The following PARVA variants were observed in gnomAD, a reference collection of about 807,000 sequenced individuals.
PARVA encodes parvin alpha, also known as alpha-parvin.
A neutral mutation model predicts 52.6 loss-of-function variants in PARVA; 25 were observed. The ratio of observed to expected loss-of-function variants is 0.48; its 90% CI spans 0.35 to 0.66. The LOEUF (loss-of-function observed/expected upper bound fraction) is 0.66. Among genes scored for constraint, PARVA ranks in the 30% least tolerant of loss-of-function variants. PARVA has a pLI of 0.01. For missense variants in PARVA, 373 were observed against 450.9 expected (o/e 0.83, Z 1.56); for synonymous variants, 185 against 179.1 (o/e 1.03, Z -0.26).
At chr11:12,394,719 G>T (rs1191164801) in intron 1 of PARVA, among the ~76,000 whole-genome samples, 1 of 152,176 alleles carries the variant, frequency 6.6e-6, no homozygotes. Context: ...ACAAGAGATT[G>T]GTCCCAGGAC....
At chr11:12,458,786 G>A (rs1940733426) in intron 1 of PARVA, among the ~76,000 whole-genome samples, 1 of 152,052 alleles carries the variant, frequency 6.6e-6, no homozygotes, top group Admixed American at 6.6e-5. Flanking sequence ...TGCACAGCCT[G>A]GAAGTGTGGA....
intron 1 of PARVA, among the ~76,000 whole-genome samples, chr11:12,421,606 G>A (rs996271566): frequency 5.9e-5 from 9 of 152,194 alleles, no homozygotes; most frequent in Non-Finnish European, 8.8e-5. Context: ...TGTCCAGGCC[G>A]TGCTCTGTGG....
At chr11:12,390,888 A>G (rs918260740) in intron 1 of PARVA, among the ~76,000 whole-genome samples, 1 of 152,062 alleles carries the variant, frequency 6.6e-6, no homozygotes, top group Admixed American at 6.5e-5. Context: ...GGGTAACACA[A>G]TTCCATTTTA....
chr11:12,406,425 A>C (rs927037650), intron 1 of PARVA, among the ~76,000 whole-genome samples: 3 of 152,196 alleles, frequency 2.0e-5, no homozygotes, highest in Non-Finnish European at 4.4e-5. Context: ...TGGTTGATTA[A>C]ATAACAGGAT....
intron 4 of PARVA, among the ~76,000 whole-genome samples, chr11:12,488,993 T>C (rs936999845): frequency 6.6e-6 from 1 of 151,980 alleles, no homozygotes; most frequent in Non-Finnish European, 1.5e-5. Context: ...AACAATAATC[T>C]GTAGATTCAT....
At chr11:12,481,905 C>A (rs893115480) in intron 4 of PARVA, among the ~76,000 whole-genome samples, 3 of 152,000 alleles carry the variant, frequency 2.0e-5, no homozygotes, top group African/African-American at 7.2e-5. Flanking sequence ...CGTGGTGGCT[C>A]ACACCTGTAA....
chr11:12,445,329 G>A (rs530482484), intron 1 of PARVA, among the ~76,000 whole-genome samples: 2 of 152,314 alleles, frequency 1.3e-5, no homozygotes, highest in East Asian at 3.9e-4. Flanking sequence ...TTCCAGGATA[G>A]AGAAAGTGGT....
chr11:12,391,554 G>C (rs950132412), intron 1 of PARVA, among the ~76,000 whole-genome samples: 15 of 152,224 alleles, frequency 9.9e-5, no homozygotes, highest in African/African-American at 3.6e-4. Flanking sequence ...TGTTTGTGCA[G>C]GTTGGTATCA....
chr11:12,487,628 T>C (rs1941176892), intron 4 of PARVA, among the ~76,000 whole-genome samples: 1 of 152,236 alleles, frequency 6.6e-6, no homozygotes, highest in Non-Finnish European at 1.5e-5. Context: ...TTGAAGATCC[T>C]CCTCCTATAA....
intron 1 of PARVA, among the ~76,000 whole-genome samples, chr11:12,415,356 T>A (rs1018321212): frequency 6.6e-6 from 1 of 152,136 alleles, no homozygotes; most frequent in African/African-American, 2.4e-5. Flanking sequence ...TTTTTGTAAA[T>A]CAGAGGAGAA....
intron 4 of PARVA, 88 bp from the exon 5 acceptor site, chr11:12,496,370 G>GCATGCATGAGTGC: frequency 6.5e-5 from 90 of 1,384,380 alleles, no homozygotes; most frequent in Non-Finnish European, 8.4e-5. Context: ...ATGAGTGCAT[G>GCATGCATGAGTGC]AGAGACCGAA....
chr11:12,403,584 A>G (rs1219929687), intron 1 of PARVA, among the ~76,000 whole-genome samples: 1 of 152,270 alleles, frequency 6.6e-6, no homozygotes, highest in Non-Finnish European at 1.5e-5. Flanking sequence ...TAACAAAGCC[A>G]GTAAGCCGGT....
chr11:12,399,233 T>C (rs557949461), intron 1 of PARVA, among the ~76,000 whole-genome samples: 3 of 152,362 alleles, frequency 2.0e-5, no homozygotes, highest in African/African-American at 7.2e-5. Flanking sequence ...TTAAAAAAGT[T>C]TTTTCTTGTA....
chr11:12,454,540 T>C (rs1226124258), intron 1 of PARVA, among the ~76,000 whole-genome samples: 1 of 151,708 alleles, frequency 6.6e-6, no homozygotes, highest in Non-Finnish European at 1.5e-5. Context: ...GTGTCACTTC[T>C]GCTTTACCCC....
At chr11:12,458,239 C>T (rs1171437667) in intron 1 of PARVA, among the ~76,000 whole-genome samples, 3 of 152,234 alleles carry the variant, frequency 2.0e-5, no homozygotes, top group Non-Finnish European at 4.4e-5. Flanking sequence ...AGTCGTAAAG[C>T]ATGAAATAAT....
intron 1 of PARVA, among the ~76,000 whole-genome samples, chr11:12,449,246 C>G (rs1480799634): frequency 1.3e-5 from 2 of 152,090 alleles, no homozygotes; most frequent in Admixed American, 6.5e-5. Flanking sequence ...CTCTGCCTCT[C>G]CGGCTCAAGT....
chr11:12,459,269 GT>G (rs2135021476), intron 1 of PARVA, among the ~76,000 whole-genome samples: 1 of 152,194 alleles, frequency 6.6e-6, no homozygotes, highest in South Asian at 2.1e-4. Flanking sequence ...GCTGGGCATG[GT>G]GGAATATGCC....
chr11:12,457,934 C>A (rs1384294226), intron 1 of PARVA, among the ~76,000 whole-genome samples: 2 of 152,254 alleles, frequency 1.3e-5, no homozygotes, highest in East Asian at 3.8e-4. Flanking sequence ...GGTGCTCCTT[C>A]ACCACTGGAG....
chr11:12,417,105 A>G (rs181508445), intron 1 of PARVA, among the ~76,000 whole-genome samples: 1 of 152,338 alleles, frequency 6.6e-6, no homozygotes, highest in African/African-American at 2.4e-5. Flanking sequence ...AAACTTGTAT[A>G]TCAGTGAAAT....
Sources: allele counts gnomAD v4.1 joint callset (sites outside exome capture counted in the v4.1 genomes callset), GRCh38; gene constraint gnomAD v4.1.1; transcripts MANE v1.5; gene names NCBI Gene and HGNC (gene_info 2026-07-23, HGNC 2026-07-21).